The following EPHA6 variants were observed in gnomAD, a reference collection of about 807,000 sequenced individuals.
EPHA6 encodes the protein EPH receptor A6.
EPHA6 carries 50 observed loss-of-function variants against 112.0 expected under a neutral mutation model. The observed-to-expected ratio is 0.45, with a 90% CI of 0.36 to 0.56. The LOEUF (loss-of-function observed/expected upper bound fraction) is 0.56, where lower values mean the gene tolerates loss of function less well. Ranked by LOEUF, EPHA6 falls within the 20% of genes least tolerant of loss-of-function variation. The pLI is 0.00. For missense variants in EPHA6, 1,280 were observed against 1,417.4 expected (o/e 0.90, Z 1.56); for synonymous variants, 529 against 490.7 (o/e 1.08, Z -1.03).
chr3:96,938,469 A>G lies in EPHA6; in HGVS notation c.451-48861A>G, dbSNP rs576159942. Among the ~76,000 whole-genome samples the G allele has an allele frequency of 1.2e-4, 19 of 152,178 alleles. No homozygotes were observed. The South Asian group carries it at 3.9e-3, about 32-fold the overall frequency. The stretch of plus-strand genomic sequence containing the variant: ...TTGTACATTGATTTTGTATCCTGAG[A>G]CTTTGCTGATGTTGCTTGTCAGCTT... On this transcript the variant is annotated intron_variant, in intron 2 of 17. Coordinates refer to ENST00000389672, the MANE Select transcript of EPHA6 (RefSeq NM_001080448.3).
chr3:97,254,135 A>G (rs2108604094), intron 5 of EPHA6, among the ~76,000 whole-genome samples: 1 of 152,116 alleles, frequency 6.6e-6, no homozygotes, highest in African/African-American at 2.4e-5. Flanking sequence ...GTAAACAATT[A>G]AATGCTATTT....
At chr3:97,404,147 G>T (rs1049191208) in intron 5 of EPHA6, among the ~76,000 whole-genome samples, 7 of 152,058 alleles carry the variant, frequency 4.6e-5, no homozygotes, top group Non-Finnish European at 1.5e-5. Context: ...ACTTTGTGTT[G>T]TGCAGTGTAT....
At chr3:96,947,542 C>T (rs1391675994) in intron 2 of EPHA6, among the ~76,000 whole-genome samples, 1 of 152,092 alleles carries the variant, frequency 6.6e-6, no homozygotes, top group African/African-American at 2.4e-5. Flanking sequence ...TGGTCTATAT[C>T]TCTGTTTTGG....
chr3:97,027,492 C>T (rs2044682365), intron 3 of EPHA6, among the ~76,000 whole-genome samples: 1 of 152,008 alleles, frequency 6.6e-6, no homozygotes. Flanking sequence ...AGGAAAAAAA[C>T]ACCTCCAAGG....
chr3:96,987,554 A>G lies in EPHA6; in HGVS notation c.675A>G (p.Glu225=), dbSNP rs1307561689. 2.5e-6 allele frequency: 4 copies of G among 1,613,864 alleles called. No individual in the cohort carries two copies. Among genetic ancestry groups the G allele is most frequent in the East Asian group, 2.2e-5 (1 of 44,890 alleles). ...AAACATTTAATCTGTTTTATATGGA[A>G]TCAGATGAGTCCCACGGAATTAAAT... The part of the protein sequence containing the change: ...CKETFNLFYM[E]SDESHGIKFK... The change falls in exon 3 of 18, where the codon GAA becomes GAG. Residue 225 remains glutamate, a synonymous_variant. Transcript: ENST00000389672.
At chr3:96,959,059 A>G (rs574664478) in intron 2 of EPHA6, among the ~76,000 whole-genome samples, 90 of 152,268 alleles carry the variant, frequency 5.9e-4, no homozygotes, top group African/African-American at 1.9e-3. Context: ...TGGTAACTCT[A>G]TGTTCAACAT....
At chr3:96,887,248 G>A (rs1252640043) in intron 2 of EPHA6, among the ~76,000 whole-genome samples, 1 of 152,120 alleles carries the variant, frequency 6.6e-6, no homozygotes, top group Non-Finnish European at 1.5e-5. Flanking sequence ...AAGGCTGAAG[G>A]CTGTTGTTCA....
At chr3:97,137,498 T>G (rs937202584) in intron 3 of EPHA6, among the ~76,000 whole-genome samples, 5 of 152,110 alleles carry the variant, frequency 3.3e-5, no homozygotes, top group Non-Finnish European at 7.3e-5. Context: ...CTGAAGCTGT[T>G]TTGAGGATTA....
chr3:96,885,315 T>C (rs1179439266), intron 2 of EPHA6, among the ~76,000 whole-genome samples: 1 of 152,190 alleles, frequency 6.6e-6, no homozygotes, highest in Non-Finnish European at 1.5e-5. Flanking sequence ...CAATTCTTCT[T>C]TGAATGTCTG....
At chr3:97,683,249 A>T (rs1457866325) in intron 14 of EPHA6, among the ~76,000 whole-genome samples, 1 of 152,152 alleles carries the variant, frequency 6.6e-6, no homozygotes, top group Non-Finnish European at 1.5e-5. Flanking sequence ...ATTGAATTAC[A>T]GTGATATTTT....
chr3:97,425,361 C>T (rs868324229), intron 6 of EPHA6, among the ~76,000 whole-genome samples: 7 of 152,206 alleles, frequency 4.6e-5, no homozygotes, highest in Non-Finnish European at 7.4e-5. Context: ...GAAATATAGG[C>T]GGAGGCTCCC....
intron 6 of EPHA6, among the ~76,000 whole-genome samples, chr3:97,432,356 A>T (rs563271405): frequency 6.6e-6 from 1 of 152,174 alleles, no homozygotes; most frequent in Non-Finnish European, 1.5e-5. Flanking sequence ...AGCATTGATA[A>T]TCATTCTAAC....
intron 7 of EPHA6, among the ~76,000 whole-genome samples, chr3:97,468,099 G>T (rs754965696): frequency 1.1e-4 from 16 of 149,748 alleles, no homozygotes; most frequent in Non-Finnish European, 2.1e-4. Context: ...TGGAGAAGTG[G>T]CAGAGGAGTA....
At chr3:97,029,271 G>A (rs1489018703) in intron 3 of EPHA6, among the ~76,000 whole-genome samples, 1 of 151,238 alleles carries the variant, frequency 6.6e-6, no homozygotes, top group Admixed American at 6.6e-5. Context: ...GTAAGATCAA[G>A]TTATAAAAGT....
intron 3 of EPHA6, among the ~76,000 whole-genome samples, chr3:97,072,325 C>T (rs1204212843): frequency 6.2e-4 from 95 of 152,088 alleles, no homozygotes; most frequent in Non-Finnish European, 3.2e-4. Flanking sequence ...TTAAGGTGGA[C>T]CCCAATCCCG....
intron 3 of EPHA6, among the ~76,000 whole-genome samples, chr3:97,040,607 GATCA>G (rs763939243): frequency 3.0e-4 from 45 of 151,934 alleles, no homozygotes; most frequent in Non-Finnish European, 5.2e-4. Flanking sequence ...CTCTTTCTCT[GATCA>G]ATCCAAATTG....
At chr3:97,177,958 A>G (rs2076883320) in intron 3 of EPHA6, among the ~76,000 whole-genome samples, 1 of 151,902 alleles carries the variant, frequency 6.6e-6, no homozygotes, top group Non-Finnish European at 1.5e-5. Context: ...CAATGTTATT[A>G]TTGATAAGTA....
intron 3 of EPHA6, among the ~76,000 whole-genome samples, chr3:97,165,819 G>T (rs888454897): frequency 6.6e-6 from 1 of 152,036 alleles, no homozygotes; most frequent in Non-Finnish European, 1.5e-5. Flanking sequence ...AAGTTGAAAT[G>T]GTATTATATT....
intron 4 of EPHA6, among the ~76,000 whole-genome samples, chr3:97,233,535 G>A (rs989768356): frequency 5.9e-4 from 89 of 152,134 alleles, no homozygotes; most frequent in Non-Finnish European, 2.2e-4. Flanking sequence ...ACAAACAGTA[G>A]CAATATTTTA....
Sources: gnomAD v4.1 joint callset for allele counts (sites outside exome capture counted in the v4.1 genomes callset) on GRCh38, gnomAD v4.1.1 for gene constraint, MANE v1.5 for transcripts, NCBI Gene and HGNC (gene_info 2026-07-23, HGNC 2026-07-21) for gene names.